The following RTKN2 variants were observed in gnomAD, a reference collection of about 807,000 sequenced individuals.
The protein encoded by RTKN2 is rhotekin 2, also known as rhotekin-2.
In RTKN2, 69 loss-of-function variants were observed where a neutral mutation model predicts 71.5. The observed-to-expected ratio is 0.96, with a 90% CI of 0.79 to 1.18. The LOEUF (loss-of-function observed/expected upper bound fraction) is 1.18. Among genes scored for constraint, RTKN2 ranks in the 50% most tolerant of loss-of-function variants. The pLI, the probability that RTKN2 is intolerant of heterozygous loss-of-function variation, is 0.00. For synonymous variants in RTKN2, 236 were observed against 236.5 expected (o/e 1.00, Z 0.02); for missense variants, 724 against 719.7 (o/e 1.01, Z -0.07).
chr10:62,222,574 A>G (rs183195333), intron 7 of RTKN2, among the ~76,000 whole-genome samples: 187 of 152,340 alleles, frequency 1.2e-3, no homozygotes, highest in Non-Finnish European at 4.8e-4. Flanking sequence ...ACTTTACCAC[A>G]TATTTTTATT....
chr10:62,241,501 G>A (rs1206485772), intron 3 of RTKN2, among the ~76,000 whole-genome samples: 5 of 152,072 alleles, frequency 3.3e-5, no homozygotes, highest in African/African-American at 7.2e-5. Context: ...CTGAGTAAAT[G>A]TCTGTTCCTT....
intron 1 of RTKN2, among the ~76,000 whole-genome samples, chr10:62,268,188 G>T (rs1162051706): frequency 6.6e-6 from 1 of 152,194 alleles, no homozygotes; most frequent in Non-Finnish European, 1.5e-5. Context: ...CTGTCCACTG[G>T]CCTCGCTGGG....
intron 2 of RTKN2, among the ~76,000 whole-genome samples, chr10:62,257,555 T>G (rs1487542488): frequency 6.6e-6 from 1 of 152,076 alleles, no homozygotes; most frequent in African/African-American, 2.4e-5. Context: ...GATGTGAAAA[T>G]CCAAGAACTA....
intron 9 of RTKN2, among the ~76,000 whole-genome samples, chr10:62,212,541 A>G (rs916439410): frequency 6.6e-6 from 1 of 152,092 alleles, no homozygotes; most frequent in East Asian, 1.9e-4. Context: ...TGTCTCTACA[A>G]AAAATACAAA....
intron 3 of RTKN2, among the ~76,000 whole-genome samples, chr10:62,243,938 C>A (rs1842430248): frequency 6.6e-6 from 1 of 152,026 alleles, no homozygotes; most frequent in African/African-American, 2.4e-5. Flanking sequence ...GGTGACTAAG[C>A]TAATTACCAC....
At position 62,195,750 on chromosome 10, in the gene RTKN2, T is replaced by A. The variant is rs1841317020; in HGVS notation, c.*2158A>T. On this transcript the variant is annotated 3_prime_UTR_variant, in exon 12 of 12. Transcript: ENST00000373789. ...TCAGGAGCTGAAGACACCAGACCCATTTCAAAGACTTGTAACATACAGTAA... is the reference window on the plus strand; with the variant it reads ...TCAGGAGCTGAAGACACCAGACCCAATTCAAAGACTTGTAACATACAGTAA... 1 of 985,212 alleles carries A rather than the reference T, an allele frequency of 1.0e-6. No individual in the cohort carries two copies. The highest frequency in any genetic ancestry group is 4.7e-5 in the South Asian group (1 of 21,300). 61.0% of individuals were successfully genotyped at this position (985,212 alleles called of 1,614,324 possible). A position where few individuals can be genotyped will look rare whatever the true frequency, so the allele number is the denominator to read the frequency against.
intron 4 of RTKN2, among the ~76,000 whole-genome samples, chr10:62,239,993 C>T (rs971695241): frequency 6.6e-5 from 10 of 151,952 alleles, no homozygotes; most frequent in African/African-American, 2.4e-4. Flanking sequence ...AATATACAGG[C>T]CTCTCAGCAG....
chr10:62,226,307 C>G (rs1019905896), intron 6 of RTKN2, among the ~76,000 whole-genome samples: 5 of 152,086 alleles, frequency 3.3e-5, no homozygotes, highest in African/African-American at 7.2e-5. Context: ...AATAAAGTCT[C>G]TATTACAAAA....
intron 2 of RTKN2, among the ~76,000 whole-genome samples, chr10:62,257,608 A>G (rs1353859882): frequency 6.6e-6 from 1 of 152,230 alleles, no homozygotes. Context: ...ATAAATTTGT[A>G]AAGCAGAAAT....
At chr10:62,213,786 A>C (rs944368093) in intron 9 of RTKN2, among the ~76,000 whole-genome samples, 1 of 152,302 alleles carries the variant, frequency 6.6e-6, no homozygotes, top group Admixed American at 6.5e-5. Context: ...GGTGGTATGT[A>C]TATGGGCCAT....
intron 2 of RTKN2, among the ~76,000 whole-genome samples, chr10:62,257,532 C>A (rs1423886600): frequency 6.6e-6 from 1 of 152,142 alleles, no homozygotes; most frequent in African/African-American, 2.4e-5. Context: ...TCAGTGTAAG[C>A]AAACACACTG....
At chr10:62,227,530 G>C (rs1403136978) in intron 6 of RTKN2, among the ~76,000 whole-genome samples, 1 of 152,154 alleles carries the variant, frequency 6.6e-6, no homozygotes, top group Non-Finnish European at 1.5e-5. Context: ...AGAGTGATTT[G>C]AGATGTCCAA....
chr10:62,243,802 C>G (rs1842427104), intron 3 of RTKN2, among the ~76,000 whole-genome samples: 1 of 152,054 alleles, frequency 6.6e-6, no homozygotes, highest in South Asian at 2.1e-4. Flanking sequence ...TAATGGTAAA[C>G]TGGGAGAGTC....
chr10:62,215,244 T>A (rs1373001411), intron 9 of RTKN2, among the ~76,000 whole-genome samples: 3 of 152,056 alleles, frequency 2.0e-5, no homozygotes, highest in Non-Finnish European at 4.4e-5. Flanking sequence ...ACAGAACTTT[T>A]ACCAAAATTA....
Position 62,197,896 on chromosome 10 carries a change from A to G in RTKN2, c.*12T>C, listed in dbSNP as rs1322265509. ...TATAGATTTTGTTAAATGTTTTATC[A>G]TTAAGAGTTTTCTATACTTGTGCCT... is the stretch of plus-strand genomic sequence containing the variant. On this transcript the variant is annotated 3_prime_UTR_variant, in exon 12 of 12. Transcript: ENST00000373789. The G allele has an allele frequency of 3.1e-6, 5 of 1,593,706 alleles. No homozygotes were observed. In the South Asian group the frequency reaches 4.6e-5, roughly 15 times the overall value.
At chr10:62,209,629 C>T (rs1056907400) in intron 9 of RTKN2, among the ~76,000 whole-genome samples, 2 of 152,066 alleles carry the variant, frequency 1.3e-5, no homozygotes, top group African/African-American at 2.4e-5. Context: ...CCACACTCTC[C>T]GATAGGCCTC....
intron 8 of RTKN2, among the ~76,000 whole-genome samples, chr10:62,186,922 C>T (rs528572251): frequency 2.6e-5 from 4 of 152,226 alleles, no homozygotes; most frequent in East Asian, 1.9e-4. Context: ...TTATTGATTG[C>T]GTCCCAGGAA....
intron 9 of RTKN2, among the ~76,000 whole-genome samples, chr10:62,209,343 T>C (rs909234576): frequency 2.6e-5 from 4 of 151,940 alleles, no homozygotes; most frequent in Admixed American, 2.6e-4. Flanking sequence ...GGAAAAACCC[T>C]GCAGGATAAA....
intron 11 of RTKN2, 47 bp downstream of exon 11, chr10:62,199,707 T>G (rs1289803280): frequency 1.8e-6 from 2 of 1,134,362 alleles, no homozygotes; most frequent in Non-Finnish European, 2.7e-6. Context: ...GTATGGACAA[T>G]GTTGTTTTTG....
Sources: gnomAD v4.1 joint callset for allele counts (sites outside exome capture counted in the v4.1 genomes callset) on GRCh38, gnomAD v4.1.1 for gene constraint, MANE v1.5 for transcripts, NCBI Gene and HGNC (gene_info 2026-07-23, HGNC 2026-07-21) for gene names.